GANAB: variants seen among roughly 807,000 people sequenced by gnomAD.
GANAB encodes glucosidase II alpha subunit.
GANAB carries 35 observed loss-of-function variants against 129.9 expected under a neutral mutation model. That is an observed-to-expected ratio of 0.27 (90% CI 0.21 to 0.36). GANAB has a LOEUF of 0.36. GANAB is among the 10% of genes least tolerant of loss of function. GANAB has a pLI of 1.00. For missense variants in GANAB, 939 were observed against 1,221.0 expected, an observed-to-expected ratio of 0.77 and a Z score of 3.44; for synonymous variants, 482 against 451.8, an observed-to-expected ratio of 1.07 and a Z score of -0.85.
intron 17 of GANAB, among the ~76,000 whole-genome samples, chr11:62,628,205 C>CTT (rs58757640): frequency 0.4 from 39,663 of 98,218 alleles, 8,853 homozygotes; most frequent in East Asian, 0.76. Context: ...CTTCTCAAAA[C>CTT]TTTTTTTTTT....
intron 17 of GANAB, 25 bp from the exon 18 acceptor site, chr11:62,627,378 G>A (rs1266817230): frequency 1.4e-6 from 2 of 1,384,356 alleles, no homozygotes; most frequent in South Asian, 2.3e-5. Flanking sequence ...AGACAATAAA[G>A]GAAAACTTTT....
chr11:62,640,812 G>A (rs577146606), intron 1 of GANAB, among the ~76,000 whole-genome samples: 77 of 79,206 alleles, frequency 9.7e-4, no homozygotes, highest in African/African-American at 8.6e-4. Context: ...CAGCCTGGGC[G>A]ACAAAGTAAA....
At chr11:62,637,838 T>C (rs1041186985) in intron 4 of GANAB, among the ~76,000 whole-genome samples, 26 of 149,894 alleles carry the variant, frequency 1.7e-4, no homozygotes, top group South Asian at 4.2e-4. Context: ...ATTGAGACCA[T>C]CCTGGCTAAC....
At chr11:62,635,380 T>C (rs747710236) in intron 4 of GANAB, among the ~76,000 whole-genome samples, 23 of 151,842 alleles carry the variant, frequency 1.5e-4, no homozygotes, top group Non-Finnish European at 2.9e-4. Flanking sequence ...ATGGGGTTTC[T>C]TCATGTTGAG....
intron 4 of GANAB, among the ~76,000 whole-genome samples, chr11:62,636,636 G>A (rs552414444): frequency 2.6e-4 from 40 of 152,282 alleles, no homozygotes; most frequent in Admixed American, 2.4e-3. Flanking sequence ...TCAACATAGT[G>A]AAACCCTGTC....
intron 18 of GANAB, 58 bp downstream of exon 18, chr11:62,627,231 C>T: frequency 2.2e-6 from 3 of 1,382,284 alleles, no homozygotes; most frequent in Admixed American, 1.7e-5. Context: ...CCTCCCTGGG[C>T]ATCCGCAGTG....
chr11:62,630,551 T>C (rs1264320553), intron 11 of GANAB, 46 bp from the exon 12 acceptor site: 1 of 1,613,448 alleles, frequency 6.2e-7, no homozygotes, highest in Non-Finnish European at 8.5e-7. Flanking sequence ...AAGGCTAAAC[T>C]ATGCTTCAGC....
chr11:62,634,535 G>A, intron 5 of GANAB: 1 of 633,710 alleles, frequency 1.6e-6, no homozygotes, highest in Non-Finnish European at 2.8e-6. Flanking sequence ...ATAAATCTGG[G>A]AAATGTGATG....
Position 62,646,589 on chromosome 11 carries a change from A to G in GANAB, c.11T>C (p.Val4Ala). 1.9e-6 allele frequency: 3 copies of G among 1,613,762 alleles called. No individual in the cohort carries two copies. Among genetic ancestry groups the G allele is most frequent in the South Asian group, 2.2e-5 (2 of 91,078 alleles). The change falls in exon 1 of 24, where the codon GTA (valine) becomes GCA (alanine). Residue 4 changes from valine to alanine, a missense_variant. This residue lies in a region of GANAB where 321 missense variants were observed against 329.1 expected (regional missense o/e 0.98). Transcript: ENST00000356638. MAA[V>A]AAVAARRRRS... ...CCTCCTACGCGCCGCCACTGCCGCTACCGCCGCCATCTTGTGCAGAGTTTG... is the reference window on the plus strand; with the variant it reads ...CCTCCTACGCGCCGCCACTGCCGCTGCCGCCGCCATCTTGTGCAGAGTTTG...
In GANAB at chr11:62,629,707, G is replaced by A. The variant is rs201172482; in HGVS notation, c.1738-23C>T. On this transcript the variant is annotated intron_variant, in intron 14 of 23. Transcript: ENST00000356638. ...GTGCTGGGTGAGGAGAGAAGAGACG[G>A]GTAGTGAGGAGCAAAAGCCAGCTGT... 2,423 of 1,605,258 alleles carry A rather than the reference G, an allele frequency of 1.5e-3. 3 individuals carry two copies. Among genetic ancestry groups the A allele is most frequent in the Non-Finnish European group, 2.0e-3 (2,323 of 1,172,622 alleles).
At chr11:62,627,895 A>G (rs925314393) in intron 17 of GANAB, among the ~76,000 whole-genome samples, 1 of 152,222 alleles carries the variant, frequency 6.6e-6, no homozygotes, top group East Asian at 1.9e-4. Flanking sequence ...TACTGAAACC[A>G]TGCTGCACAG....
intron 4 of GANAB, among the ~76,000 whole-genome samples, chr11:62,635,261 C>T (rs1011570954): frequency 3.3e-5 from 5 of 151,600 alleles, no homozygotes; most frequent in African/African-American, 1.2e-4. Context: ...CTCGGCTCAC[C>T]GCAACCTCCG....
chr11:62,629,934 G>A lies in GANAB; in HGVS notation c.1617C>T (p.Val539=). The A allele has an allele frequency of 6.2e-7, 1 of 1,614,160 alleles. No homozygotes were observed. The highest frequency in any genetic ancestry group is 1.1e-5 in the South Asian group (1 of 91,088). ...CAGATGGTTCGTTCATGTCATTCCA[G>A]ACAAAGAGGTTGGGAGCTGAGCCCT... ...NYEGSAPNLF[V]WNDMNEPSVF... is the part of the protein sequence containing the mutation. Residue 539 remains valine, a synonymous_variant, in exon 14 of 24, where the codon GTC becomes GTT. Coordinates refer to ENST00000356638, the MANE Select transcript of GANAB (RefSeq NM_198334.3).
Position 62,630,460 on chromosome 11 carries a change from G to A in GANAB, c.1432C>T (p.Arg478Ter). Reference sequence around the variant, plus strand: ...AGGTTCCGCAGCTCCTCGTGAACTCGGTAGCCGGAGTCCACCTTGATGTGG... The same window carrying A: ...AGGTTCCGCAGCTCCTCGTGAACTCAGTAGCCGGAGTCCACCTTGATGTGG... Reference protein sequence around the residue: ...DPHIKVDSGYRVHEELRNLGL... With the variant: ...DPHIKVDSGY The change falls in exon 12 of 24, where the codon CGA becomes TGA. Residue 478 changes from arginine (R) to a stop codon, truncating the protein, a stop_gained. Coordinates refer to ENST00000356638, the MANE Select transcript of GANAB (RefSeq NM_198334.3). LOFTEE classifies it high-confidence loss of function. 6.2e-7 allele frequency: 1 copy of A among 1,614,120 alleles called. No homozygotes were observed. The highest frequency in any genetic ancestry group is 8.5e-7 in the Non-Finnish European group (1 of 1,179,994).
intron 1 of GANAB, among the ~76,000 whole-genome samples, chr11:62,645,526 A>C (rs1162880868): frequency 1.9e-5 from 2 of 104,334 alleles, no homozygotes; most frequent in East Asian, 5.5e-4. Context: ...ACAGAGCGAG[A>C]CTCTGTCTCT....
chr11:62,633,314 CT>C, intron 6 of GANAB, 43 bp from the exon 7 acceptor site: 1 of 1,564,662 alleles, frequency 6.4e-7, no homozygotes, highest in Non-Finnish European at 8.8e-7. Context: ...CATACCAGTT[CT>C]CTCTTTCCCC....
At chr11:62,636,719 C>T (rs1431717783) in intron 4 of GANAB, among the ~76,000 whole-genome samples, 8 of 151,238 alleles carry the variant, frequency 5.3e-5, no homozygotes, top group Non-Finnish European at 1.0e-4. Flanking sequence ...GGCATAGTGG[C>T]ATGAGCCTGC....
At chr11:62,632,185 G>A (rs1590804807) in intron 9 of GANAB, among the ~76,000 whole-genome samples, 1 of 151,724 alleles carries the variant, frequency 6.6e-6, no homozygotes, top group East Asian at 1.9e-4. Context: ...TGTTGGCCAG[G>A]CTGGTCTCCA....
At chr11:62,635,922 G>A (rs1278468062) in intron 4 of GANAB, among the ~76,000 whole-genome samples, 1 of 150,382 alleles carries the variant, frequency 6.6e-6, no homozygotes, top group Admixed American at 6.6e-5. Flanking sequence ...GAGCTACCAC[G>A]CCCAACCCCT....
Sources: allele counts gnomAD v4.1 joint callset (sites outside exome capture counted in the v4.1 genomes callset), GRCh38; gene constraint gnomAD v4.1.1; regional missense constraint gnomAD v4.1.1; transcripts MANE v1.5; gene names NCBI Gene and HGNC (gene_info 2026-07-23, HGNC 2026-07-21).